The following KIAA1549 variants were observed in gnomAD, a reference collection of about 807,000 sequenced individuals.
The protein encoded by KIAA1549 is UPF0606 protein KIAA1549.
A neutral mutation model predicts 156.4 loss-of-function variants in KIAA1549; 70 were observed. The ratio of observed to expected loss-of-function variants is 0.45; its 90% confidence interval spans 0.37 to 0.55. KIAA1549 has a LOEUF of 0.55. Among genes scored for constraint, KIAA1549 ranks in the 20% least tolerant of loss-of-function variants. The pLI is 0.00. For synonymous variants in KIAA1549, 1,103 were observed against 1,066.4 expected, an observed-to-expected ratio of 1.03 and a Z score of -0.67; for missense variants, 2,428 against 2,540.9, an observed-to-expected ratio of 0.96 and a Z score of 0.96.
At chr7:138,846,256 C>T (rs1810068542) in intron 17 of KIAA1549, among the ~76,000 whole-genome samples, 1 of 152,014 alleles carries the variant, frequency 6.6e-6, no homozygotes, top group African/African-American at 2.4e-5. Flanking sequence ...CAGTTTTGGC[C>T]GGGTGCGGTG....
At chr7:138,943,581 G>A (rs916348470) in intron 1 of KIAA1549, among the ~76,000 whole-genome samples, 2 of 152,196 alleles carry the variant, frequency 1.3e-5, no homozygotes, top group Non-Finnish European at 2.9e-5. Flanking sequence ...CAGGCGCAGT[G>A]GCTCACGCCT....
rs1056618266 is a variant in KIAA1549, at chr7:138,844,325, C to T, written c.5444G>A (p.Gly1815Asp). Residue 1815 changes from glycine (G) to aspartate (D), a missense_variant, in exon 18 of 20, where the codon GGT becomes GAT. This residue lies in a region of KIAA1549 where 363 missense variants were observed against 354.0 expected (regional missense o/e 1.03). Coordinates refer to ENST00000422774, the MANE Select transcript of KIAA1549 (RefSeq NM_001164665.2). ...PSVARPRPVGGTTGSQIQHLT... is the reference protein window; with the variant it reads ...PSVARPRPVGDTTGSQIQHLT... ...TAAACAGCCACATATACCTGTGGTA[C>T]CCCCGACAGGCCGAGGCCGGGCCAC... 3 of 1,613,844 alleles carry T rather than the reference C, an allele frequency of 1.9e-6. No homozygotes were observed. Among genetic ancestry groups the T allele is most frequent in the East Asian group, 2.2e-5 (1 of 44,874 alleles).
chr7:138,926,673 CCATTT>C (rs1308317655), intron 1 of KIAA1549, among the ~76,000 whole-genome samples: 1 of 152,158 alleles, frequency 6.6e-6, no homozygotes, highest in Admixed American at 6.5e-5. Flanking sequence ...TCTCCATGTT[CCATTT>C]ATCTTCCTGG....
In KIAA1549 at chr7:138,869,514, G is replaced by A. The variant is rs367569568; in HGVS notation, c.4775+24C>T. On this transcript the variant is annotated intron_variant, in intron 14 of 19. Coordinates refer to ENST00000422774, the MANE Select transcript of KIAA1549 (RefSeq NM_001164665.2). ...AGCACCTCTGCGCGCCCGCCCCACC[G>A]CCTAGCGCAGAGCCCCAGCCCACCT... is the stretch of plus-strand genomic sequence containing the variant. 7.6e-5 allele frequency: 116 copies of A among 1,535,862 alleles called. No individual in the cohort carries two copies. The South Asian group carries it at 8.1e-4, about 11-fold the overall frequency.
chr7:138,949,550 A>G (rs919612944), intron 1 of KIAA1549, among the ~76,000 whole-genome samples: 1 of 152,150 alleles, frequency 6.6e-6, no homozygotes, highest in African/African-American at 2.4e-5. Context: ...ACAGCTAATG[A>G]AGAGATGGGG....
In KIAA1549 at chr7:138,833,271, T is replaced by G. The variant is rs563378027; in HGVS notation, c.*4635A>C. ...TCCAAACGACAAATTCATTCATGTC[T>G]GAGAATCTAGTGTGAAAGGGATGAG... On this transcript the variant is annotated 3_prime_UTR_variant, in exon 20 of 20. Coordinates refer to ENST00000422774, the MANE Select transcript of KIAA1549 (RefSeq NM_001164665.2). The G allele has an allele frequency of 1.3e-5, 3 of 232,612 alleles. No individual in the cohort carries two copies. In the East Asian group the frequency reaches 1.8e-4, roughly 14 times the overall value. 14.4% of individuals were successfully genotyped at this position (232,612 alleles called of 1,614,324 possible). A position where few individuals can be genotyped will look rare whatever the true frequency, so the allele number is the denominator to read the frequency against.
chr7:138,877,733 G>T (rs77577746), intron 12 of KIAA1549, among the ~76,000 whole-genome samples: 1 of 152,106 alleles, frequency 6.6e-6, no homozygotes, highest in Non-Finnish European at 1.5e-5. Flanking sequence ...TCTTCAAATT[G>T]TAACAGCAGC....
chr7:138,964,182 A>T (rs776878115), intron 1 of KIAA1549, among the ~76,000 whole-genome samples: 5 of 152,164 alleles, frequency 3.3e-5, no homozygotes, highest in Non-Finnish European at 7.4e-5. Context: ...TCTAACAGGG[A>T]CAGGGAGCTG....
At chr7:138,891,756 G>T (rs1325769179) in intron 10 of KIAA1549, among the ~76,000 whole-genome samples, 2 of 152,150 alleles carry the variant, frequency 1.3e-5, no homozygotes, top group Admixed American at 1.3e-4. Flanking sequence ...AGAGCAGAAC[G>T]GAGAGAGAGA....
At chr7:138,879,483 C>A (rs1811179616) in intron 12 of KIAA1549, 55 bp downstream of exon 12, 1 of 1,059,022 alleles carries the variant, frequency 9.4e-7, no homozygotes, top group Non-Finnish European at 1.4e-6. Context: ...AGGCCCCAGC[C>A]TTTGGACTCT....
intron 1 of KIAA1549, among the ~76,000 whole-genome samples, chr7:138,972,162 G>A (rs1814239212): frequency 6.6e-6 from 1 of 152,094 alleles, no homozygotes; most frequent in South Asian, 2.1e-4. Flanking sequence ...TCACTGAGGG[G>A]CTGGTGCCTG....
At chr7:138,942,364 T>G (rs1281801717) in intron 1 of KIAA1549, among the ~76,000 whole-genome samples, 2 of 151,542 alleles carry the variant, frequency 1.3e-5, no homozygotes, top group African/African-American at 4.9e-5. Flanking sequence ...TTCAGGAGGT[T>G]TAAACAACAT....
At position 138,917,848 on chromosome 7, in the gene KIAA1549, C is replaced by T. The variant is rs959779444; in HGVS notation, c.1778G>A (p.Ser593Asn). The T allele has an allele frequency of 5.6e-6, 9 of 1,603,502 alleles. 1 individual carries two copies. In the Admixed American group the frequency reaches 1.5e-4, roughly 27 times the overall value. The change falls in exon 2 of 20, where the codon AGT (serine) becomes AAT (asparagine). Residue 593 changes from serine to asparagine, a missense_variant. Ser to Asn is a conservative substitution (Grantham distance 46). This residue lies in a region of KIAA1549 where 893 missense variants were observed against 847.9 expected (regional missense o/e 1.05). Transcript: ENST00000422774. ...VRDPSVFTPY[S>N]LVPSVESSLF... ...TGAAGACTCCACTGAAGGAACCAGA[C>T]TATAAGGCGTAAAAACACTCGGGTC...
rs1319604582 is a variant in KIAA1549, at chr7:138,835,156, T to C, written c.*2750A>G. ...CGCAAGGACCCTTCCTTTCAGTGGA[T>C]GACGTGAACTTAATGTCTGAAGACC... On this transcript the variant is annotated 3_prime_UTR_variant, in exon 20 of 20. Transcript: ENST00000422774. 5 of 220,520 alleles carry C rather than the reference T, an allele frequency of 2.3e-5. No individual in the cohort carries two copies. Among genetic ancestry groups the C allele is most frequent in the Non-Finnish European group, 4.5e-5 (5 of 110,058 alleles). The allele number at this position is 220,520 out of a possible 1,614,324, so 13.7% of individuals were successfully genotyped here. A position where few individuals can be genotyped will look rare whatever the true frequency, so the allele number is the denominator to read the frequency against.
At chr7:138,924,911 G>A (rs12707402) in intron 1 of KIAA1549, among the ~76,000 whole-genome samples, 31,362 of 152,054 alleles carry the variant, frequency 0.21, 3,507 homozygotes, top group African/African-American at 0.28. Context: ...GGGGTGAGAC[G>A]GGTGCTTCTC....
intron 1 of KIAA1549, among the ~76,000 whole-genome samples, chr7:138,942,045 T>C (rs1401819410): frequency 6.6e-6 from 1 of 152,204 alleles, no homozygotes; most frequent in Non-Finnish European, 1.5e-5. Flanking sequence ...TCCCAGGTGC[T>C]ATGATCCATT....
intron 1 of KIAA1549, among the ~76,000 whole-genome samples, chr7:138,974,924 C>T (rs543371470): frequency 2.6e-4 from 39 of 152,042 alleles, no homozygotes; most frequent in African/African-American, 8.0e-4. Flanking sequence ...GCTGACTTAG[C>T]CTTCAATGTT....
At position 138,903,650 on chromosome 7, in the gene KIAA1549, C is replaced by A; in HGVS notation, c.3607G>T (p.Val1203Phe). The change falls in exon 8 of 20, where the codon GTT (valine) becomes TTT (phenylalanine). Residue 1203 changes from valine to phenylalanine, a missense_variant. Physicochemically the swap from Val to Phe is conservative, Grantham distance 50. Around this residue, in one of 5 missense-constraint regions of KIAA1549, gnomAD observed 762 missense variants for 901.6 expected, o/e 0.85. Transcript: ENST00000422774. ...CTCCACATCCGCCTTCTGGTGGAAA[C>A]CTCGCTGAGCAGCTGGGCCAGCTTG... is the stretch of plus-strand genomic sequence containing the variant. ...ERKLAQLLSEVSTRRRMWRRA... is the reference protein window; with the variant it reads ...ERKLAQLLSEFSTRRRMWRRA... 6.2e-7 allele frequency: 1 copy of A among 1,613,348 alleles called. No individual in the cohort carries two copies. The highest frequency in any genetic ancestry group is 8.5e-7 in the Non-Finnish European group (1 of 1,179,740).
chr7:138,969,655 C>G (rs146595845), intron 1 of KIAA1549, among the ~76,000 whole-genome samples: 1 of 152,182 alleles, frequency 6.6e-6, no homozygotes. Context: ...TGCAGTGATG[C>G]GATCTCAGCT....
Sources: allele counts gnomAD v4.1 joint callset (sites outside exome capture counted in the v4.1 genomes callset), GRCh38; gene constraint gnomAD v4.1.1; regional missense constraint gnomAD v4.1.1; transcripts MANE v1.5; gene names NCBI Gene and HGNC (gene_info 2026-07-23, HGNC 2026-07-21).